The following PPFIA2 variants were observed in gnomAD, a reference collection of about 807,000 sequenced individuals.
The protein encoded by PPFIA2 is PPFI scaffold protein A2.
PPFIA2 carries 46 observed loss-of-function variants against 175.5 expected under a neutral mutation model. That is an observed-to-expected ratio of 0.26 (90% CI 0.21 to 0.34). The LOEUF (loss-of-function observed/expected upper bound fraction) is 0.34, where lower values mean the gene tolerates loss of function less well. Ranked by LOEUF, PPFIA2 falls within the 10% of genes least tolerant of loss-of-function variation. The pLI, the probability that PPFIA2 is intolerant of heterozygous loss-of-function variation, is 1.00. For missense variants in PPFIA2, 1,179 were observed against 1,506.1 expected, an observed-to-expected ratio of 0.78 and a Z score of 3.60; for synonymous variants, 568 against 511.4, an observed-to-expected ratio of 1.11 and a Z score of -1.49.
chr12:81,387,153 A>C (rs2039156321), intron 8 of PPFIA2, among the ~76,000 whole-genome samples: 2 of 151,620 alleles, frequency 1.3e-5, no homozygotes, highest in Admixed American at 1.3e-4. Context: ...AGCAAACTTC[A>C]GCTCTTTCTC....
chr12:81,341,166 T>C lies in PPFIA2; in HGVS notation c.2305A>G (p.Ile769Val). ...EEDGREDKATIKCETSPPPTP... is the reference protein window; with the variant it reads ...EEDGREDKATVKCETSPPPTP... ...GGAGGAGGAGAAGTTTCACATTTAA[T>C]TGTTGCTTTGTCCTCTCGACCATCT... The change falls in exon 20 of 33, where the codon ATT becomes GTT. Residue 769 changes from isoleucine (I) to valine (V), a missense_variant. Physicochemically the swap from Ile to Val is conservative, Grantham distance 29. Transcript: ENST00000549396. 6.2e-7 allele frequency: 1 copy of C among 1,612,278 alleles called. No homozygotes were observed. The highest frequency in any genetic ancestry group is 8.5e-7 in the Non-Finnish European group (1 of 1,178,760).
intron 3 of PPFIA2, among the ~76,000 whole-genome samples, chr12:81,679,661 T>C (rs2073233012): frequency 6.6e-6 from 1 of 151,952 alleles, no homozygotes; most frequent in African/African-American, 2.4e-5. Context: ...TACAGATGTA[T>C]ATTCTTATCT....
intron 4 of PPFIA2, among the ~76,000 whole-genome samples, chr12:81,476,299 GA>G (rs2057470765): frequency 3.3e-5 from 5 of 152,142 alleles, no homozygotes; most frequent in Admixed American, 2.6e-4. Context: ...TTTGTAGTGA[GA>G]AGTCTTTCAG....
At chr12:81,627,283 TG>T (rs1019173350) in intron 4 of PPFIA2, among the ~76,000 whole-genome samples, 15 of 152,084 alleles carry the variant, frequency 9.9e-5, no homozygotes, top group Admixed American at 2.6e-4. Context: ...ACTAGAGGAG[TG>T]GGCCTAAAAT....
At chr12:81,516,751 A>G (rs1210321850) in intron 4 of PPFIA2, among the ~76,000 whole-genome samples, 1 of 152,222 alleles carries the variant, frequency 6.6e-6, no homozygotes, top group Non-Finnish European at 1.5e-5. Context: ...ACTGTGAGAT[A>G]ACAAATTTCT....
At chr12:81,630,899 AT>A (rs56990168) in intron 4 of PPFIA2, among the ~76,000 whole-genome samples, 8,500 of 106,276 alleles carry the variant, frequency 0.08, 313 homozygotes, top group South Asian at 0.2. Flanking sequence ...ATATATATAT[AT>A]TTTTTTTTTT....
intron 4 of PPFIA2, among the ~76,000 whole-genome samples, chr12:81,583,847 T>C (rs892035429): frequency 6.6e-6 from 1 of 151,944 alleles, no homozygotes; most frequent in East Asian, 1.9e-4. Context: ...CCTAGAATGG[T>C]CCCTCAGTTC....
intron 4 of PPFIA2, among the ~76,000 whole-genome samples, chr12:81,549,747 T>C (rs1922396): frequency 0.098 from 14,866 of 151,952 alleles, 881 homozygotes; most frequent in Middle Eastern, 0.17. Context: ...ATATAAGGCA[T>C]TCTTATTTTA....
intron 7 of PPFIA2, among the ~76,000 whole-genome samples, chr12:81,411,679 G>A (rs1348245041): frequency 6.6e-6 from 1 of 151,922 alleles, no homozygotes; most frequent in Non-Finnish European, 1.5e-5. Flanking sequence ...TGATATCCTG[G>A]AGAGATTCAT....
At chr12:81,754,359 C>T in intron 2 of PPFIA2, 136 bp from the exon 3 acceptor site, 1 of 1,079,236 alleles carries the variant, frequency 9.3e-7, no homozygotes, top group Admixed American at 2.6e-5. Flanking sequence ...GCCCCAAATC[C>T]AGCCAAGCAA....
intron 4 of PPFIA2, among the ~76,000 whole-genome samples, chr12:81,497,431 T>C (rs1040549202): frequency 1.3e-5 from 2 of 152,002 alleles, no homozygotes; most frequent in Non-Finnish European, 2.9e-5. Flanking sequence ...TTTTGGTATA[T>C]GAGTTAACAT....
intron 4 of PPFIA2, among the ~76,000 whole-genome samples, chr12:81,621,213 G>A (rs1305601151): frequency 6.6e-6 from 1 of 152,282 alleles, no homozygotes; most frequent in East Asian, 1.9e-4. Flanking sequence ...AGCATAACAG[G>A]CAGAGAATAA....
intron 22 of PPFIA2, among the ~76,000 whole-genome samples, chr12:81,311,451 C>T (rs145863968): frequency 7.2e-5 from 11 of 152,070 alleles, no homozygotes; most frequent in African/African-American, 1.4e-4. Context: ...AAGGTAGAGG[C>T]GGCCCGGCGT....
chr12:81,489,314 A>C (rs560179723), intron 4 of PPFIA2, among the ~76,000 whole-genome samples: 1 of 151,902 alleles, frequency 6.6e-6, no homozygotes, highest in African/African-American at 2.4e-5. Flanking sequence ...ATAATAGATC[A>C]TTATTTTTTA....
intron 4 of PPFIA2, among the ~76,000 whole-genome samples, chr12:81,631,892 C>T (rs970129276): frequency 1.4e-4 from 21 of 152,084 alleles, no homozygotes; most frequent in African/African-American, 4.3e-4. Flanking sequence ...AGTGACTTGG[C>T]ATGGCATCTG....
chr12:81,371,951 A>G (rs976229638), intron 11 of PPFIA2, among the ~76,000 whole-genome samples: 2 of 151,174 alleles, frequency 1.3e-5, no homozygotes, highest in Admixed American at 6.6e-5. Flanking sequence ...ACACAAACAC[A>G]TTAGAAGGAG....
intron 6 of PPFIA2, among the ~76,000 whole-genome samples, chr12:81,441,299 T>C: frequency 6.6e-6 from 1 of 152,146 alleles, no homozygotes; most frequent in South Asian, 2.1e-4. Flanking sequence ...TACAATACCA[T>C]GTATATTCAG....
At chr12:81,362,988 A>G (rs1207918672) in intron 14 of PPFIA2, among the ~76,000 whole-genome samples, 2 of 151,668 alleles carry the variant, frequency 1.3e-5, no homozygotes, top group African/African-American at 4.8e-5. Context: ...ATTTATCTAC[A>G]ATCTCTGGCA....
chr12:81,529,948 C>T (rs1202684641), intron 4 of PPFIA2, among the ~76,000 whole-genome samples: 2 of 151,908 alleles, frequency 1.3e-5, no homozygotes, highest in Non-Finnish European at 2.9e-5. Flanking sequence ...AACAAACCTG[C>T]ACATGTACCC....
Sources: gnomAD v4.1 joint callset for allele counts (sites outside exome capture counted in the v4.1 genomes callset) on GRCh38, gnomAD v4.1.1 for gene constraint, MANE v1.5 for transcripts, NCBI Gene and HGNC (gene_info 2026-07-23, HGNC 2026-07-21) for gene names.